Variants in AQP7B observed in about 807,000 individuals in gnomAD.
AQP7B encodes the protein aquaporin 7B, also known as putative aquaporin-7B.
chr2:94,590,618 C>A, the AQP7B span, among the ~76,000 whole-genome samples: 1 of 151,996 alleles, frequency 6.6e-6, no homozygotes, highest in Non-Finnish European at 1.5e-5. Context: ...ACAGGAGAAT[C>A]AGTTAGTTGG....
chr2:94,594,905 G>T, the AQP7B span: 434 of 1,289,498 alleles, frequency 3.4e-4, 2 homozygotes, highest in African/African-American at 5.5e-3. Flanking sequence ...AGTGGGTGGG[G>T]CTCCACCAGG....
the AQP7B span, among the ~76,000 whole-genome samples, chr2:94,590,171 A>T: frequency 2.6e-5 from 4 of 152,182 alleles, no homozygotes; most frequent in East Asian, 7.8e-4. Flanking sequence ...ACTCATAAGT[A>T]GGTGCTCAAC....
chr2:94,596,298 C>T, the AQP7B span, among the ~76,000 whole-genome samples: 5 of 152,234 alleles, frequency 3.3e-5, no homozygotes, highest in South Asian at 2.1e-4. Context: ...AGCCCTGCCA[C>T]TTACCCCAGT....
At chr2:94,590,294 C>T in the AQP7B span, among the ~76,000 whole-genome samples, 8 of 152,298 alleles carry the variant, frequency 5.3e-5, no homozygotes, top group East Asian at 1.2e-3. Flanking sequence ...GTGATTCTCA[C>T]GTCTCAGCCC....
chr2:94,597,786 G>A, the AQP7B span, among the ~76,000 whole-genome samples: 1 of 151,868 alleles, frequency 6.6e-6, no homozygotes, highest in East Asian at 1.9e-4. Flanking sequence ...TGTATTTTTA[G>A]GAAATACAAG....
At chr2:94,597,380 C>A in the AQP7B span, among the ~76,000 whole-genome samples, 2 of 152,292 alleles carry the variant, frequency 1.3e-5, no homozygotes, top group South Asian at 2.1e-4. Flanking sequence ...TGTTTCTCTT[C>A]CTTTTGTTGA....
At chr2:94,595,164 A>G in the AQP7B span, among the ~76,000 whole-genome samples, 1 of 152,158 alleles carries the variant, frequency 6.6e-6, no homozygotes, top group Admixed American at 6.5e-5. Context: ...CCCAGGTGCA[A>G]TGGCTCATGC....
chr2:94,603,145 C>A, the AQP7B span: 2 of 1,532,522 alleles, frequency 1.3e-6, no homozygotes, highest in Admixed American at 1.9e-5. Flanking sequence ...TCCTTCCTGG[C>A]AGCTGCCACC....
chr2:94,601,871 C>G, the AQP7B span, among the ~76,000 whole-genome samples: 1 of 152,008 alleles, frequency 6.6e-6, no homozygotes, highest in African/African-American at 2.4e-5. Context: ...GAAGGTAGGC[C>G]CCTTCCCCTG....
At chr2:94,595,538 G>A in the AQP7B span, among the ~76,000 whole-genome samples, 1 of 152,146 alleles carries the variant, frequency 6.6e-6, no homozygotes, top group African/African-American at 2.4e-5. Flanking sequence ...TTGAAGGCTG[G>A]CAAGCAGGGG....
At chr2:94,603,091 C>T in the AQP7B span, 8 of 1,588,516 alleles carry the variant, frequency 5.0e-6, no homozygotes, top group East Asian at 1.8e-4. Flanking sequence ...GGCCGCGTGC[C>T]CTGGAGGAAG....
At chr2:94,599,112 C>T in the AQP7B span, among the ~76,000 whole-genome samples, 1 of 152,176 alleles carries the variant, frequency 6.6e-6, no homozygotes. Flanking sequence ...TATGCTCATC[C>T]AGTATTTTTA....
the AQP7B span, among the ~76,000 whole-genome samples, chr2:94,598,386 GGA>G: frequency 1.3e-5 from 2 of 152,158 alleles, no homozygotes; most frequent in Non-Finnish European, 2.9e-5. Flanking sequence ...TGGCTGTGGG[GGA>G]GAGTTGGATG....
the AQP7B span, chr2:94,603,416 T>C: frequency 2.5e-6 from 4 of 1,609,186 alleles, no homozygotes; most frequent in Non-Finnish European, 3.4e-6. Context: ...GGAGAGCTGA[T>C]GGTGACCGGT....
the AQP7B span, among the ~76,000 whole-genome samples, chr2:94,601,936 T>TGCC: frequency 8.0e-4 from 121 of 151,948 alleles, 1 homozygote; most frequent in East Asian, 0.022. Context: ...AGCTTGGGAA[T>TGCC]GCCGCCTGAG....
the AQP7B span, among the ~76,000 whole-genome samples, chr2:94,594,542 G>A: frequency 6.6e-6 from 1 of 152,198 alleles, no homozygotes; most frequent in Non-Finnish European, 1.5e-5. Context: ...GCATGGCCTG[G>A]CCATCTACCC....
chr2:94,594,674 T>A, the AQP7B span: 5 of 1,061,690 alleles, frequency 4.7e-6, no homozygotes, highest in Non-Finnish European at 5.8e-6. Context: ...CAGCTGTGAG[T>A]TGAAGAGCCG....
At chr2:94,595,431 G>C in the AQP7B span, among the ~76,000 whole-genome samples, 1 of 151,514 alleles carries the variant, frequency 6.6e-6, no homozygotes, top group East Asian at 1.9e-4. Context: ...GCGAAACTCT[G>C]TCTCAAAAAG....
chr2:94,604,282 C>T, the AQP7B span: 4 of 1,595,866 alleles, frequency 2.5e-6, no homozygotes, highest in Admixed American at 1.7e-5. Context: ...TGCCTCTTGC[C>T]TGCAGCGATG....
Sources: gnomAD v4.1 joint callset for allele counts (sites outside exome capture counted in the v4.1 genomes callset) on GRCh38, gnomAD v4.1.1 for gene constraint, MANE v1.5 for transcripts, NCBI Gene and HGNC (gene_info 2026-07-23, HGNC 2026-07-21) for gene names.